The following TNFRSF8 variants were observed in gnomAD, a reference collection of about 807,000 sequenced individuals.
TNFRSF8 encodes the protein tumor necrosis factor receptor superfamily member 8.
TNFRSF8 carries 26 observed loss-of-function variants against 70.8 expected under a neutral mutation model. That is an observed-to-expected ratio of 0.37 (90% CI 0.27 to 0.51). The LOEUF (loss-of-function observed/expected upper bound fraction) is 0.51, where lower values mean the gene tolerates loss of function less well. Ranked by LOEUF, TNFRSF8 falls within the 20% of genes least tolerant of loss-of-function variation. The pLI is 0.94. For synonymous variants in TNFRSF8, 356 were observed against 339.2 expected, an observed-to-expected ratio of 1.05 and a Z score of -0.54; for missense variants, 720 against 807.9, an observed-to-expected ratio of 0.89 and a Z score of 1.32.
intron 1 of TNFRSF8, among the ~76,000 whole-genome samples, chr1:12,075,414 G>A (rs531207785): frequency 1.3e-5 from 2 of 152,126 alleles, no homozygotes; most frequent in Admixed American, 6.5e-5. Context: ...GTTACCATCC[G>A]GTAGCCCCAG....
intron 1 of TNFRSF8, among the ~76,000 whole-genome samples, chr1:12,067,913 A>C (rs1172743819): frequency 5.8e-5 from 5 of 85,988 alleles, no homozygotes; most frequent in East Asian, 8.1e-4. Flanking sequence ...CGGGGGGGGG[A>C]CCTGGAGAGG....
intron 1 of TNFRSF8, among the ~76,000 whole-genome samples, chr1:12,068,967 G>A (rs528688065): frequency 1.5e-3 from 226 of 151,852 alleles, no homozygotes; most frequent in African/African-American, 5.0e-3. Context: ...CGCCTCCCGG[G>A]TTCAAGCAAT....
chr1:12,074,532 G>A (rs996367376), intron 1 of TNFRSF8, among the ~76,000 whole-genome samples: 6 of 151,912 alleles, frequency 3.9e-5, no homozygotes, highest in African/African-American at 1.2e-4. Context: ...CGCCCGCCTC[G>A]GCCTCCCAAA....
intron 12 of TNFRSF8, among the ~76,000 whole-genome samples, chr1:12,131,138 A>C (rs991023237): frequency 2.0e-5 from 3 of 152,126 alleles, no homozygotes; most frequent in Non-Finnish European, 4.4e-5. Flanking sequence ...CTTCTTTTTA[A>C]AATAGTTTAA....
In TNFRSF8 at chr1:12,110,258, T is replaced by C. The variant is rs1416517633; in HGVS notation, c.676+54T>C. 6.6e-7 allele frequency: 1 copy of C among 1,514,898 alleles called. No individual in the cohort carries two copies. Among genetic ancestry groups the C allele is most frequent in the African/African-American group, 1.4e-5 (1 of 72,248 alleles). The allele number at this position is 1,514,898 out of a possible 1,614,324, so 93.8% of individuals were successfully genotyped here. ...CTCCCTGGGGTGCTCGATTGGTGGA[T>C]GGCCCATGAGTGGGGGTGTTTGGAG... On this transcript the variant is annotated intron_variant, in intron 6 of 14. Coordinates refer to ENST00000263932, the MANE Select transcript of TNFRSF8 (RefSeq NM_001243.5). This position sits in a 1 kb window ranked among gnomAD's most constrained non-coding sequence, Gnocchi z 4.0.
intron 1 of TNFRSF8, among the ~76,000 whole-genome samples, chr1:12,068,894 T>C (rs1173508772): frequency 6.6e-6 from 1 of 151,174 alleles, no homozygotes; most frequent in African/African-American, 2.4e-5. Flanking sequence ...TTTTTTGAGA[T>C]GGAGTCTCTC....
At chr1:12,066,057 A>T (rs1640734396) in intron 1 of TNFRSF8, among the ~76,000 whole-genome samples, 2 of 152,162 alleles carry the variant, frequency 1.3e-5, no homozygotes, top group African/African-American at 4.8e-5. Context: ...CCGACATTTG[A>T]TCTTATCAGC....
At position 12,097,683 on chromosome 1, in the gene TNFRSF8, C is replaced by T. The variant is rs11569837; in HGVS notation, c.268+466C>T. 2.5e-3 allele frequency among the ~76,000 whole-genome samples: 373 copies of T among 149,874 alleles called. 6 individuals are homozygous for T. The highest frequency in any genetic ancestry group is 0.018 in the South Asian group (88 of 4,764). On this transcript the variant is annotated intron_variant, in intron 3 of 14. Coordinates refer to ENST00000263932, the MANE Select transcript of TNFRSF8 (RefSeq NM_001243.5). ...TTCAGTATGACCTTTTATTGTTAGT[C>T]TCTTATTATGGTTAGAGAATGCAGT...
intron 2 of TNFRSF8, among the ~76,000 whole-genome samples, chr1:12,096,339 C>T (rs1641329301): frequency 6.6e-6 from 1 of 150,660 alleles, no homozygotes; most frequent in South Asian, 2.1e-4. Flanking sequence ...CTTCCCTGGG[C>T]CACATTGGAA....
rs887656781 is a variant in TNFRSF8, at chr1:12,110,498, C to T, written c.676+294C>T. ...GTTTGTCAGAGGGAAATGGGTCCCA[C>T]TCTGCTGTTGTGACACTTGCGACTC... On this transcript the variant is annotated intron_variant, in intron 6 of 14. Transcript: ENST00000263932. The surrounding 1 kb of genome is among the most constrained non-coding windows in gnomAD (Gnocchi z 4.0). Among the ~76,000 whole-genome samples, 3 of 152,226 alleles carry T rather than the reference C, an allele frequency of 2.0e-5. No homozygotes were observed. The highest frequency in any genetic ancestry group is 7.2e-5 in the African/African-American group (3 of 41,452).
intron 1 of TNFRSF8, among the ~76,000 whole-genome samples, chr1:12,065,642 T>C (rs1640728164): frequency 6.6e-6 from 1 of 152,194 alleles, no homozygotes. Flanking sequence ...CTACAGTACA[T>C]ATGGTTCTTC....
At chr1:12,130,167 C>G (rs1234671775) in intron 12 of TNFRSF8, among the ~76,000 whole-genome samples, 1 of 152,214 alleles carries the variant, frequency 6.6e-6, no homozygotes, top group African/African-American at 2.4e-5. Flanking sequence ...CTCGGCCTCC[C>G]AAAGTTCAGG....
chr1:12,106,004 C>T (rs1015871560), intron 4 of TNFRSF8, among the ~76,000 whole-genome samples: 15 of 151,966 alleles, frequency 9.9e-5, no homozygotes, highest in Admixed American at 8.5e-4. Flanking sequence ...TCCCAAGGCC[C>T]CCAGTTGACC....
chr1:12,117,619 A>C (rs779901662), intron 8 of TNFRSF8, among the ~76,000 whole-genome samples: 1 of 152,202 alleles, frequency 6.6e-6, no homozygotes, highest in South Asian at 2.1e-4. Context: ...ACCCATTGTG[A>C]ACAGGACATA....
rs942236304 is a variant in TNFRSF8, at chr1:12,088,512, G to C, written c.151+3961G>C. On this transcript the variant is annotated intron_variant, in intron 2 of 14. Coordinates refer to ENST00000263932, the MANE Select transcript of TNFRSF8 (RefSeq NM_001243.5). The surrounding 1 kb of genome is among the most constrained non-coding windows in gnomAD (Gnocchi z 4.0). ...GACCCTCAAGGCCTCGAATTTGGGAGGCAGAAGAGTTTACGAGTGAAGAGC... is the reference window on the plus strand; with the variant it reads ...GACCCTCAAGGCCTCGAATTTGGGACGCAGAAGAGTTTACGAGTGAAGAGC... 2.0e-5 allele frequency among the ~76,000 whole-genome samples: 3 copies of C among 152,116 alleles called. No homozygotes were observed. The highest frequency in any genetic ancestry group is 7.2e-5 in the African/African-American group (3 of 41,424).
At chr1:12,091,896 C>T (rs1398516970) in intron 2 of TNFRSF8, among the ~76,000 whole-genome samples, 1 of 152,184 alleles carries the variant, frequency 6.6e-6, no homozygotes, top group Non-Finnish European at 1.5e-5. Flanking sequence ...ATCCCTTGCA[C>T]GTGCAGTTCA....
Position 12,109,920 on chromosome 1 carries a change from C to G in TNFRSF8, c.513-121C>G, listed in dbSNP as rs11569873. Reference sequence around the variant, plus strand: ...TGCTCCCAGGAGCTTACAGTGGGCCCGCCAGAGGCAGTGGGCCAAGGGCCT... The same window carrying G: ...TGCTCCCAGGAGCTTACAGTGGGCCGGCCAGAGGCAGTGGGCCAAGGGCCT... On this transcript the variant is annotated intron_variant, in intron 5 of 14. Coordinates refer to ENST00000263932, the MANE Select transcript of TNFRSF8 (RefSeq NM_001243.5). The surrounding 1 kb of genome is among the most constrained non-coding windows in gnomAD (Gnocchi z 4.4). 96,700 of 1,276,710 alleles carry G rather than the reference C, an allele frequency of 0.076. 4,036 individuals carry two copies. The highest frequency in any genetic ancestry group is 0.085 in the East Asian group (3,661 of 42,830). The allele number at this position is 1,276,710 out of a possible 1,614,324, so 79.1% of individuals were successfully genotyped here. A position where few individuals can be genotyped will look rare whatever the true frequency, so the allele number is the denominator to read the frequency against.
Position 12,091,428 on chromosome 1 carries a change from A to G in TNFRSF8, c.152-5673A>G, listed in dbSNP as rs995726597. Among the ~76,000 whole-genome samples the G allele has an allele frequency of 6.6e-5, 10 of 152,322 alleles. 1 individual carries two copies. The East Asian group carries it at 1.2e-3, about 18-fold the overall frequency. On this transcript the variant is annotated intron_variant, in intron 2 of 14. Transcript: ENST00000263932. ...AGGGAGCTGGGGTATTTATATGCCA[A>G]TGTCCATCAAACATTGGTGGAACTG...
intron 1 of TNFRSF8, among the ~76,000 whole-genome samples, chr1:12,081,583 C>T (rs1281541702): frequency 2.6e-5 from 4 of 151,870 alleles, no homozygotes; most frequent in Admixed American, 6.6e-5. Context: ...ACAACTCAAG[C>T]GCCATGTGAC....
Sources: gnomAD v4.1 joint callset for allele counts (sites outside exome capture counted in the v4.1 genomes callset) on GRCh38, gnomAD v4.1.1 for gene constraint, Gnocchi (gnomAD v3.1) non-coding constraint, MANE v1.5 for transcripts, NCBI Gene and HGNC (gene_info 2026-07-23, HGNC 2026-07-21) for gene names.